JAKMIP2: variants seen among roughly 807,000 people sequenced by gnomAD.
The protein encoded by JAKMIP2 is janus kinase and microtubule-interacting protein 2.
Under a neutral mutation model 115.0 loss-of-function variants are expected in JAKMIP2, and 25 were observed. The ratio of observed to expected loss-of-function variants is 0.22; its 90% CI spans 0.16 to 0.30. The LOEUF is 0.30. Among genes scored for constraint, JAKMIP2 ranks in the 10% least tolerant of loss-of-function variants. JAKMIP2 has a pLI of 1.00. For synonymous variants in JAKMIP2, 334 were observed against 343.6 expected (o/e 0.97, Z 0.31); for missense variants, 642 against 957.6 (o/e 0.67, Z 4.35).
intron 1 of JAKMIP2, among the ~76,000 whole-genome samples, chr5:147,779,025 C>T (rs1202511088): frequency 2.0e-5 from 3 of 152,058 alleles, no homozygotes; most frequent in African/African-American, 4.8e-5. Context: ...CAGTAAAAGA[C>T]CATCATTGCG....
At chr5:147,726,738 G>A (rs188543928) in intron 1 of JAKMIP2, among the ~76,000 whole-genome samples, 2 of 152,302 alleles carry the variant, frequency 1.3e-5, no homozygotes, top group African/African-American at 2.4e-5. Context: ...AAACAAACAA[G>A]CAAAAACAAC....
At chr5:147,747,934 A>G (rs1263845652) in intron 1 of JAKMIP2, among the ~76,000 whole-genome samples, 1 of 152,182 alleles carries the variant, frequency 6.6e-6, no homozygotes, top group Non-Finnish European at 1.5e-5. Flanking sequence ...ACTTGCTGGC[A>G]TATATTCTTC....
chr5:147,777,439 T>G (rs1755600256), intron 1 of JAKMIP2, among the ~76,000 whole-genome samples: 1 of 152,180 alleles, frequency 6.6e-6, no homozygotes, highest in Admixed American at 6.5e-5. Flanking sequence ...ATGCATACAG[T>G]ATGGTCCATG....
chr5:147,779,986 C>T (rs1461221781), intron 1 of JAKMIP2, among the ~76,000 whole-genome samples: 1 of 152,140 alleles, frequency 6.6e-6, no homozygotes, highest in Non-Finnish European at 1.5e-5. Flanking sequence ...AGCCCATTGA[C>T]TACATTTGAG....
chr5:147,605,633 C>G (rs1452195543), intron 20 of JAKMIP2, among the ~76,000 whole-genome samples: 2 of 152,132 alleles, frequency 1.3e-5, no homozygotes, highest in Non-Finnish European at 2.9e-5. Context: ...TAGAATGATT[C>G]ATAATCCTTT....
chr5:147,696,725 G>C (rs979068839), intron 1 of JAKMIP2, among the ~76,000 whole-genome samples: 1 of 152,196 alleles, frequency 6.6e-6, no homozygotes, highest in African/African-American at 2.4e-5. Context: ...CCTTCCTAGA[G>C]ACTTGCTGAA....
intron 1 of JAKMIP2, among the ~76,000 whole-genome samples, chr5:147,728,668 T>C (rs1753611290): frequency 6.6e-6 from 1 of 152,240 alleles, no homozygotes; most frequent in Non-Finnish European, 1.5e-5. Context: ...CAAAAACTAA[T>C]GCCTTTTAGT....
chr5:147,769,266 C>A (rs578005808), intron 1 of JAKMIP2, among the ~76,000 whole-genome samples: 4 of 152,218 alleles, frequency 2.6e-5, no homozygotes, highest in African/African-American at 9.6e-5. Flanking sequence ...TCTTCCTCAT[C>A]ATCATGATTA....
intron 5 of JAKMIP2, 86 bp downstream of exon 5, chr5:147,648,290 T>C: frequency 2.7e-6 from 2 of 729,404 alleles, no homozygotes; most frequent in Non-Finnish European, 2.4e-6. Context: ...CTTTTCTCTA[T>C]TATGGTACGT....
At chr5:147,646,876 TA>T (rs1758160414) in intron 5 of JAKMIP2, among the ~76,000 whole-genome samples, 1 of 151,452 alleles carries the variant, frequency 6.6e-6, no homozygotes, top group Non-Finnish European at 1.5e-5. Flanking sequence ...TAATATATTA[TA>T]AATACATATT....
intron 1 of JAKMIP2, among the ~76,000 whole-genome samples, chr5:147,763,517 T>C (rs1246226293): frequency 2.6e-5 from 4 of 152,142 alleles, no homozygotes; most frequent in Non-Finnish European, 4.4e-5. Context: ...CTTTCGAATA[T>C]CCTAGATGCA....
intron 1 of JAKMIP2, among the ~76,000 whole-genome samples, chr5:147,716,144 T>A (rs1713157436): frequency 6.8e-6 from 1 of 146,114 alleles, no homozygotes; most frequent in Non-Finnish European, 1.5e-5. Context: ...GTTTTCCAAT[T>A]TCATCCATGT....
chr5:147,612,520 C>G (rs1581286768), intron 19 of JAKMIP2, 149 bp from the exon 20 acceptor site: 1 of 563,280 alleles, frequency 1.8e-6, no homozygotes, highest in Non-Finnish European at 3.1e-6. Flanking sequence ...TTTCCCCACC[C>G]AAAAACATGT....
At chr5:147,688,545 T>C (rs1024121673) in intron 1 of JAKMIP2, among the ~76,000 whole-genome samples, 1 of 152,174 alleles carries the variant, frequency 6.6e-6, no homozygotes, top group African/African-American at 2.4e-5. Flanking sequence ...TAAATAATAG[T>C]CATTAATATT....
chr5:147,712,741 C>CA (rs1657009406), intron 1 of JAKMIP2, among the ~76,000 whole-genome samples: 1 of 152,144 alleles, frequency 6.6e-6, no homozygotes, highest in African/African-American at 2.4e-5. Context: ...ACACAGCACC[C>CA]AGCACCCACC....
At position 147,586,725 on chromosome 5, in the gene JAKMIP2, A is replaced by C. The variant is rs1201144230; in HGVS notation, c.*4982T>G. 6.7e-6 allele frequency: 1 copy of C among 148,414 alleles called. No homozygotes were observed. Among genetic ancestry groups the C allele is most frequent in the African/African-American group, 2.5e-5 (1 of 40,370 alleles). The allele number at this position is 148,414 out of a possible 1,614,324, so 9.2% of individuals were successfully genotyped here. On this transcript the variant is annotated 3_prime_UTR_variant, in exon 22 of 22. Transcript: ENST00000616793. ...TTGCCCCTATAAGTATATCTTTAGT[A>C]GTTTTTTTCCTCTCTCCCTCTTTTC...
At chr5:147,733,965 CT>C (rs1753826687) in intron 1 of JAKMIP2, among the ~76,000 whole-genome samples, 1 of 151,960 alleles carries the variant, frequency 6.6e-6, no homozygotes, top group Admixed American at 6.6e-5. Flanking sequence ...ATTTATAATC[CT>C]TTGGGTATAT....
chr5:147,698,669 T>C (rs1346801594), intron 1 of JAKMIP2, among the ~76,000 whole-genome samples: 1 of 152,168 alleles, frequency 6.6e-6, no homozygotes, highest in Admixed American at 6.5e-5. Flanking sequence ...AACACTTCTC[T>C]CTCCTGCTGC....
At chr5:147,682,064 T>C (rs1267651383) in intron 1 of JAKMIP2, among the ~76,000 whole-genome samples, 1 of 135,740 alleles carries the variant, frequency 7.4e-6, no homozygotes, top group East Asian at 2.2e-4. Context: ...GAAAGAAAAA[T>C]AAAAGTGACA....
Sources: gnomAD v4.1 joint callset for allele counts (sites outside exome capture counted in the v4.1 genomes callset) on GRCh38, gnomAD v4.1.1 for gene constraint, MANE v1.5 for transcripts, NCBI Gene and HGNC (gene_info 2026-07-23, HGNC 2026-07-21) for gene names.